The following BMPR2 variants were observed in gnomAD, a reference collection of about 807,000 sequenced individuals.
The protein encoded by BMPR2 is bone morphogenetic protein receptor type-2.
In BMPR2, 29 loss-of-function variants were observed where a neutral mutation model predicts 100.8. The ratio of observed to expected loss-of-function variants is 0.29; its 90% CI spans 0.21 to 0.39. The LOEUF is 0.39. Among genes scored for constraint, BMPR2 ranks in the 10% least tolerant of loss-of-function variants. The pLI is 1.00. For synonymous variants in BMPR2, 382 were observed against 442.3 expected, an observed-to-expected ratio of 0.86 and a Z score of 1.71; for missense variants, 1,011 against 1,274.5, an observed-to-expected ratio of 0.79 and a Z score of 3.15.
intron 3 of BMPR2, among the ~76,000 whole-genome samples, chr2:202,501,092 C>G (rs1354522533): frequency 6.6e-6 from 1 of 152,218 alleles, no homozygotes; most frequent in Non-Finnish European, 1.5e-5. Context: ...TACTCTAGAT[C>G]TCTTGAACTT....
At chr2:202,476,947 C>CA (rs35516927) in intron 3 of BMPR2, among the ~76,000 whole-genome samples, 60,450 of 121,018 alleles carry the variant, frequency 0.5, 13,431 homozygotes, top group African/African-American at 0.52. Flanking sequence ...AATCAACTGC[C>CA]AAAAAAAAAA....
chr2:202,535,194 A>ACCTC (rs1688121127), intron 9 of BMPR2, among the ~76,000 whole-genome samples: 1 of 129,162 alleles, frequency 7.7e-6, no homozygotes, highest in Non-Finnish European at 1.7e-5. Context: ...GACCCCCCCC[A>ACCTC]CCTCCCTCCC....
Position 202,445,194 on chromosome 2 carries a change from A to G in BMPR2, c.77-19615A>G, listed in dbSNP as rs79663636. Among the ~76,000 whole-genome samples the G allele has an allele frequency of 6.8e-3, 1,030 of 150,446 alleles. 114 individuals carry two copies. The highest frequency in any genetic ancestry group is 0.024 in the African/African-American group (964 of 39,836). ...CTTTTTTGTATAGGAGTCCCACAAG[A>G]TATGCAAACATTTTTATTTATTTAT... On this transcript the variant is annotated intron_variant, in intron 1 of 12. Transcript: ENST00000374580.
intron 9 of BMPR2, among the ~76,000 whole-genome samples, chr2:202,540,915 CT>C (rs1688257286): frequency 6.6e-6 from 1 of 152,072 alleles, no homozygotes; most frequent in Admixed American, 6.6e-5. Context: ...GGAACAGTCT[CT>C]GTGTTCTTTG....
At chr2:202,531,708 C>T (rs1574494124) in intron 8 of BMPR2, among the ~76,000 whole-genome samples, 1 of 151,510 alleles carries the variant, frequency 6.6e-6, no homozygotes, top group African/African-American at 2.4e-5. Context: ...CTCAGCCCAC[C>T]GCAACCTCTG....
intron 3 of BMPR2, among the ~76,000 whole-genome samples, chr2:202,488,873 A>G (rs1692838243): frequency 6.6e-6 from 1 of 152,140 alleles, no homozygotes; most frequent in African/African-American, 2.4e-5. Context: ...CTCTATACCC[A>G]TTAAACAACT....
chr2:202,520,360 T>C, intron 7 of BMPR2, 159 bp downstream of exon 7: 1 of 674,998 alleles, frequency 1.5e-6, no homozygotes, highest in East Asian at 2.7e-5. Flanking sequence ...ATTTGAAATG[T>C]AACAGAAAGA....
chr2:202,435,704 C>T (rs1691602238), intron 1 of BMPR2, among the ~76,000 whole-genome samples: 1 of 149,966 alleles, frequency 6.7e-6, no homozygotes, highest in Non-Finnish European at 1.5e-5. Context: ...GGTAAGTGCC[C>T]TATACAGGTA....
chr2:202,556,856 G>T (rs577445328), intron 12 of BMPR2, among the ~76,000 whole-genome samples: 1 of 151,066 alleles, frequency 6.6e-6, no homozygotes. Flanking sequence ...AGGCCAAGGC[G>T]GGCAGATTAC....
rs576832478 is a variant in BMPR2 at position 202,514,360 on chromosome 2, TCTC to T, written c.530-525_530-523del. Among the ~76,000 whole-genome samples, 902 of 152,212 alleles carry T rather than the reference TCTC, an allele frequency of 5.9e-3. 16 individuals are homozygous for T. The highest frequency in any genetic ancestry group is 0.021 in the African/African-American group (860 of 41,550). On this transcript the variant is annotated intron_variant, in intron 4 of 12. Transcript: ENST00000374580. ...ACCGTGTTAGCCAGGATGGTCTCGATCTCCTGACCTCGTGATCCGCCCGCCTTG... is the reference window on the plus strand; with the variant it reads ...ACCGTGTTAGCCAGGATGGTCTCGATCTGACCTCGTGATCCGCCCGCCTTG...
chr2:202,524,727 A>T (rs1277658634), intron 7 of BMPR2, among the ~76,000 whole-genome samples: 2 of 152,154 alleles, frequency 1.3e-5, no homozygotes, highest in African/African-American at 4.8e-5. Context: ...TGGGCAGCAG[A>T]CCAAGACTGT....
chr2:202,522,158 C>CA (rs1687828767), intron 7 of BMPR2, among the ~76,000 whole-genome samples: 1 of 150,538 alleles, frequency 6.6e-6, no homozygotes, highest in African/African-American at 2.4e-5. Flanking sequence ...GACCCTGTCT[C>CA]AAAAAAACAA....
At chr2:202,418,603 T>G (rs1691187815) in intron 1 of BMPR2, among the ~76,000 whole-genome samples, 1 of 152,166 alleles carries the variant, frequency 6.6e-6, no homozygotes, top group Non-Finnish European at 1.5e-5. Context: ...AGGTGAACAT[T>G]GTTTCAGTTC....
At chr2:202,497,802 TC>T (rs1693073143) in intron 3 of BMPR2, among the ~76,000 whole-genome samples, 1 of 152,108 alleles carries the variant, frequency 6.6e-6, no homozygotes, top group South Asian at 2.1e-4. Flanking sequence ...CTGGTGCTTT[TC>T]TAGTTTCTCC....
intron 11 of BMPR2, among the ~76,000 whole-genome samples, 160 bp downstream of exon 11, chr2:202,553,048 G>C (rs1042374759): frequency 6.6e-5 from 10 of 152,018 alleles, no homozygotes. Context: ...TTCTTCTATT[G>C]AACATTTTTG....
In BMPR2 at chr2:202,530,826, T is replaced by A; in HGVS notation, c.1000T>A (p.Leu334Ile). ...HYKPAISHRDLNSRNVLVKND... is the reference protein window; with the variant it reads ...HYKPAISHRDINSRNVLVKND... ...TAAACCTGCAATTTCCCATCGAGAT[T>A]TAAACAGCAGAAATGTCCTAGTGAA... Residue 334 changes from leucine to isoleucine, a missense_variant, in exon 8 of 13, where the codon TTA (leucine) becomes ATA (isoleucine). Physicochemically the swap from Leu to Ile is conservative, Grantham distance 5 (BLOSUM62 2). Coordinates refer to ENST00000374580, the MANE Select transcript of BMPR2 (RefSeq NM_001204.7). 6.2e-7 allele frequency: 1 copy of A among 1,613,684 alleles called. No homozygotes were observed. The highest frequency in any genetic ancestry group is 1.7e-5 in the Admixed American group (1 of 60,002).
chr2:202,470,805 G>A (rs1692423408), intron 3 of BMPR2, among the ~76,000 whole-genome samples: 1 of 151,414 alleles, frequency 6.6e-6, no homozygotes, highest in Non-Finnish European at 1.5e-5. Context: ...TAAGGAAAGA[G>A]CCTGTAATCC....
intron 1 of BMPR2, among the ~76,000 whole-genome samples, chr2:202,424,414 T>A (rs1368862869): frequency 2.0e-5 from 3 of 147,366 alleles, no homozygotes; most frequent in Non-Finnish European, 4.5e-5. Context: ...GCTGTGGCCC[T>A]AGGTCTGGCG....
At chr2:202,458,836 A>G (rs1216617750) in intron 1 of BMPR2, among the ~76,000 whole-genome samples, 1 of 152,170 alleles carries the variant, frequency 6.6e-6, no homozygotes, top group Non-Finnish European at 1.5e-5. Flanking sequence ...GGTTATCATT[A>G]GGTTCTAAAA....
Sources: allele counts gnomAD v4.1 joint callset (sites outside exome capture counted in the v4.1 genomes callset), GRCh38; gene constraint gnomAD v4.1.1; transcripts MANE v1.5; gene names NCBI Gene and HGNC (gene_info 2026-07-23, HGNC 2026-07-21).